GLDN: variants seen among roughly 807,000 people sequenced by gnomAD.
The protein encoded by GLDN is collomin.
In GLDN, 47 loss-of-function variants were observed where a neutral mutation model predicts 56.5. The ratio of observed to expected loss-of-function variants is 0.83; its 90% confidence interval spans 0.66 to 1.06. GLDN has a LOEUF of 1.06. GLDN is among the 50% of genes least tolerant of loss of function. The pLI, the probability that GLDN is intolerant of heterozygous loss-of-function variation, is 0.00. For missense variants in GLDN, 782 were observed against 714.3 expected (o/e 1.09, Z -1.08); for synonymous variants, 332 against 278.8 (o/e 1.19, Z -1.90).
intron 1 of GLDN, 185 bp from the exon 2 acceptor site, chr15:51,377,264 G>T (rs1357663286): frequency 1.7e-6 from 1 of 578,264 alleles, no homozygotes; most frequent in Non-Finnish European, 3.1e-6. Context: ...AATCACCATT[G>T]TGTATGATTC....
chr15:51,353,220 A>G (rs1249747898), intron 1 of GLDN, among the ~76,000 whole-genome samples: 1 of 151,968 alleles, frequency 6.6e-6, no homozygotes, highest in African/African-American at 2.4e-5. Context: ...CCAACCAATC[A>G]GCATTTCCCA....
intron 2 of GLDN, among the ~76,000 whole-genome samples, chr15:51,381,147 C>T (rs1211793716): frequency 3.3e-5 from 5 of 152,202 alleles, no homozygotes; most frequent in African/African-American, 4.8e-5. Flanking sequence ...CAGTGAGAGC[C>T]TTGGCCACGG....
intron 6 of GLDN, among the ~76,000 whole-genome samples, chr15:51,398,553 T>C (rs2038183170): frequency 6.6e-6 from 1 of 152,180 alleles, no homozygotes; most frequent in African/African-American, 2.4e-5. Context: ...ATTGCTGTCA[T>C]TTTCCTAAAC....
At chr15:51,399,382 T>G (rs1000118194) in intron 6 of GLDN, among the ~76,000 whole-genome samples, 1 of 152,226 alleles carries the variant, frequency 6.6e-6, no homozygotes, top group African/African-American at 2.4e-5. Flanking sequence ...GTTCAGTCCA[T>G]GTCCTGTCCT....
chr15:51,371,084 A>T (rs1341666212), intron 1 of GLDN, among the ~76,000 whole-genome samples: 1 of 152,158 alleles, frequency 6.6e-6, no homozygotes, highest in Admixed American at 6.5e-5. Context: ...GTTTGGTTTC[A>T]TGAACCTCCC....
chr15:51,371,159 A>G (rs2446419), intron 1 of GLDN, among the ~76,000 whole-genome samples: 5,572 of 152,306 alleles, frequency 0.037, 198 homozygotes, highest in African/African-American at 0.094. Context: ...GTTGTGTTGC[A>G]TTATGTGGCT....
chr15:51,409,007 C>G (rs16953066), downstream of GLDN, among the ~76,000 whole-genome samples: 2 of 149,494 alleles, frequency 1.3e-5, no homozygotes, highest in Admixed American at 6.6e-5. Flanking sequence ...TGCTTATTCA[C>G]ATGGTGTCCC....
intron 5 of GLDN, among the ~76,000 whole-genome samples, chr15:51,395,649 T>C (rs1024298324): frequency 4.6e-5 from 7 of 152,188 alleles, no homozygotes; most frequent in African/African-American, 1.7e-4. Context: ...GGCGGTGGAC[T>C]GAGCAGCCAC....
intron 9 of GLDN, among the ~76,000 whole-genome samples, chr15:51,403,195 A>G (rs1486198554): frequency 6.6e-6 from 1 of 152,146 alleles, no homozygotes; most frequent in African/African-American, 2.4e-5. Flanking sequence ...AGCAGAGCTG[A>G]ATTCGACCCT....
intron 1 of GLDN, among the ~76,000 whole-genome samples, chr15:51,365,514 A>T (rs188401057): frequency 1.0e-3 from 152 of 152,292 alleles, no homozygotes; most frequent in African/African-American, 3.6e-3. Context: ...TCTGTGAGGC[A>T]GTCATTATTA....
intron 1 of GLDN, among the ~76,000 whole-genome samples, chr15:51,366,878 T>C (rs937900643): frequency 4.8e-5 from 7 of 146,008 alleles, no homozygotes; most frequent in African/African-American, 1.9e-4. Flanking sequence ...AGACCCTGTC[T>C]GAAAAAAAAA....
At chr15:51,355,525 CT>C (rs147021073) in intron 1 of GLDN, among the ~76,000 whole-genome samples, 26,662 of 126,070 alleles carry the variant, frequency 0.21, 2,178 homozygotes, top group East Asian at 0.47. Flanking sequence ...TTCTTTCTTT[CT>C]TTTTTTTTTT....
intron 5 of GLDN, among the ~76,000 whole-genome samples, chr15:51,395,847 G>A (rs1189650574): frequency 6.6e-6 from 1 of 152,162 alleles, no homozygotes; most frequent in East Asian, 1.9e-4. Context: ...AGAGGCCTCA[G>A]GAAACTTGTA....
At chr15:51,386,780 G>GT (rs1250811914) in intron 4 of GLDN, among the ~76,000 whole-genome samples, 2 of 152,184 alleles carry the variant, frequency 1.3e-5, no homozygotes, top group Admixed American at 6.5e-5. Flanking sequence ...GATACAGGGA[G>GT]TTGGGGGTCA....
chr15:51,400,495 T>C lies in GLDN; in HGVS notation c.1024T>C (p.Ser342Pro). ...CCGGATTTGGGTGACAGAGCATTTT[T>C]CAGGTACTTGCACTCGGCCTATGAC... ...DDRIWVTEHF[S>P]GIMVKEFKDQ... Residue 342 changes from serine to proline, a missense_variant, in exon 8 of 10, where the codon TCA becomes CCA. Ser to Pro is a moderately conservative substitution (Grantham distance 74). Transcript: ENST00000335449. The C allele has an allele frequency of 1.2e-6, 2 of 1,614,120 alleles. No homozygotes were observed. Among genetic ancestry groups the C allele is most frequent in the Middle Eastern group, 1.7e-4 (1 of 6,052 alleles).
chr15:51,389,438 A>G (rs921780821), intron 4 of GLDN, among the ~76,000 whole-genome samples: 1 of 152,240 alleles, frequency 6.6e-6, no homozygotes, highest in Non-Finnish European at 1.5e-5. Flanking sequence ...GTACTCAGTA[A>G]CTATTTATTC....
chr15:51,386,489 G>C (rs1238757727), intron 4 of GLDN, among the ~76,000 whole-genome samples: 1 of 152,200 alleles, frequency 6.6e-6, no homozygotes, highest in Non-Finnish European at 1.5e-5. Flanking sequence ...AGGGAGGAGG[G>C]ACCAGAGGCA....
In GLDN at chr15:51,390,225, G is replaced by A. The variant is rs74016743; in HGVS notation, c.542-4610G>A. 3.1e-3 allele frequency among the ~76,000 whole-genome samples: 473 copies of A among 152,360 alleles called. 5 individuals carry two copies. Among genetic ancestry groups the A allele is most frequent in the African/African-American group, 0.011 (455 of 41,574 alleles). On this transcript the variant is annotated intron_variant, in intron 4 of 9. Transcript: ENST00000335449. Reference sequence around the variant, plus strand: ...TGAGTTAATGTATATAAAGTGCTTAGAAGAGGGCTTGACACATTGTAAGTG... The same window carrying A: ...TGAGTTAATGTATATAAAGTGCTTAAAAGAGGGCTTGACACATTGTAAGTG...
At chr15:51,381,769 T>G (rs1024381765) in intron 2 of GLDN, among the ~76,000 whole-genome samples, 8 of 144,536 alleles carry the variant, frequency 5.5e-5, no homozygotes, top group Admixed American at 1.4e-4. Context: ...TCCCCTAGGG[T>G]TTTTTTTTTT....
Sources: allele counts gnomAD v4.1 joint callset (sites outside exome capture counted in the v4.1 genomes callset), GRCh38; gene constraint gnomAD v4.1.1; transcripts MANE v1.5; gene names NCBI Gene and HGNC (gene_info 2026-07-23, HGNC 2026-07-21).